Variants in HEMK2 observed in about 807,000 individuals in gnomAD.
HEMK2 encodes HemK methyltransferase 2, ETF1 glutamine and histone H4 lysine.
the HEMK2 span, among the ~76,000 whole-genome samples, chr21:28,635,363 A>G: frequency 1.3e-5 from 2 of 152,198 alleles, no homozygotes; most frequent in South Asian, 2.1e-4. Flanking sequence ...CGGACTCCCA[A>G]AGTGCTGGGA....
the HEMK2 span, among the ~76,000 whole-genome samples, chr21:28,879,536 G>A: frequency 2.0e-5 from 3 of 152,106 alleles, no homozygotes; most frequent in East Asian, 1.9e-4. Context: ...CATTGCACTC[G>A]GCCAGTTAAA....
At chr21:28,827,042 G>C in the HEMK2 span, among the ~76,000 whole-genome samples, 1 of 152,102 alleles carries the variant, frequency 6.6e-6, no homozygotes, top group Non-Finnish European at 1.5e-5. Context: ...GGGAGAAAAT[G>C]CCAGAAGAAA....
At chr21:28,761,524 G>T in the HEMK2 span, among the ~76,000 whole-genome samples, 1 of 151,438 alleles carries the variant, frequency 6.6e-6, no homozygotes, top group African/African-American at 2.4e-5. Flanking sequence ...TATTCCCTTG[G>T]TTACCTGTGT....
chr21:28,783,433 C>A, the HEMK2 span, among the ~76,000 whole-genome samples: 1 of 152,228 alleles, frequency 6.6e-6, no homozygotes, highest in African/African-American at 2.4e-5. Context: ...GATCTGCCCA[C>A]CTCGGCCTCC....
At chr21:28,853,613 G>A in the HEMK2 span, among the ~76,000 whole-genome samples, 1 of 152,168 alleles carries the variant, frequency 6.6e-6, no homozygotes, top group East Asian at 1.9e-4. Flanking sequence ...GTTGGGGGTG[G>A]CTCCTAAGGA....
chr21:28,743,704 T>C, the HEMK2 span, among the ~76,000 whole-genome samples: 1 of 152,138 alleles, frequency 6.6e-6, no homozygotes, highest in East Asian at 1.9e-4. Flanking sequence ...CTCTGCCTAT[T>C]AGGAGGAGGA....
At chr21:28,768,227 G>C in the HEMK2 span, among the ~76,000 whole-genome samples, 1 of 152,092 alleles carries the variant, frequency 6.6e-6, no homozygotes, top group Non-Finnish European at 1.5e-5. Flanking sequence ...GAGACCACTG[G>C]AGGTTGGTGG....
chr21:28,648,720 A>G, the HEMK2 span, among the ~76,000 whole-genome samples: 15 of 152,210 alleles, frequency 9.9e-5, no homozygotes, highest in Non-Finnish European at 1.6e-4. Context: ...AGCAAGAAGC[A>G]AAACTCAGGT....
chr21:28,767,242 G>GT, the HEMK2 span, among the ~76,000 whole-genome samples: 1 of 151,802 alleles, frequency 6.6e-6, no homozygotes, highest in Non-Finnish European at 1.5e-5. Context: ...GGAACTGTAC[G>GT]TAAGTCCAAT....
the HEMK2 span, among the ~76,000 whole-genome samples, chr21:28,765,716 G>A: frequency 6.6e-6 from 1 of 151,976 alleles, no homozygotes; most frequent in Non-Finnish European, 1.5e-5. Flanking sequence ...AAGTCTTACT[G>A]TGCCCCTGTA....
At chr21:28,784,952 G>A in the HEMK2 span, among the ~76,000 whole-genome samples, 2,129 of 152,258 alleles carry the variant, frequency 0.014, 26 homozygotes, top group Middle Eastern at 0.024. Flanking sequence ...AACACTCACC[G>A]CGAAGATCTG....
At chr21:28,866,843 C>G in the HEMK2 span, among the ~76,000 whole-genome samples, 8 of 152,090 alleles carry the variant, frequency 5.3e-5, no homozygotes, top group Non-Finnish European at 1.2e-4. Flanking sequence ...TACAGATCAA[C>G]AAGTAAAAAG....
At chr21:28,772,212 C>A in the HEMK2 span, among the ~76,000 whole-genome samples, 1 of 152,072 alleles carries the variant, frequency 6.6e-6, no homozygotes, top group Non-Finnish European at 1.5e-5. Context: ...TTCAACCATG[C>A]CTATGTTGGG....
the HEMK2 span, among the ~76,000 whole-genome samples, chr21:28,770,020 C>T: frequency 6.6e-6 from 1 of 152,128 alleles, no homozygotes; most frequent in African/African-American, 2.4e-5. Context: ...GGCAGTACTT[C>T]TAAGGCAATA....
the HEMK2 span, among the ~76,000 whole-genome samples, chr21:28,771,380 T>C: frequency 2.6e-5 from 4 of 152,140 alleles, no homozygotes; most frequent in African/African-American, 9.7e-5. Flanking sequence ...TTTGCATCAC[T>C]CTCCCACCAC....
the HEMK2 span, chr21:28,878,322 G>C: frequency 6.2e-7 from 1 of 1,613,170 alleles, no homozygotes; most frequent in Admixed American, 1.7e-5. Flanking sequence ...CCTCTATTCC[G>C]TGACTTCCTA....
At chr21:28,757,427 G>C in the HEMK2 span, among the ~76,000 whole-genome samples, 1 of 152,098 alleles carries the variant, frequency 6.6e-6, no homozygotes, top group Non-Finnish European at 1.5e-5. Context: ...TCCTCTGTCT[G>C]CTGAACAGAA....
At chr21:28,691,096 C>T in the HEMK2 span, among the ~76,000 whole-genome samples, 1 of 152,306 alleles carries the variant, frequency 6.6e-6, no homozygotes, top group African/African-American at 2.4e-5. Context: ...CTGGTCATGA[C>T]ATTAGCAGCT....
At chr21:28,673,014 G>C in the HEMK2 span, among the ~76,000 whole-genome samples, 1 of 144,744 alleles carries the variant, frequency 6.9e-6, no homozygotes, top group African/African-American at 2.8e-5. Context: ...AAGAAAGAAA[G>C]AAAGAAAGAA....
Sources: allele counts gnomAD v4.1 joint callset (sites outside exome capture counted in the v4.1 genomes callset), GRCh38; gene constraint gnomAD v4.1.1; transcripts MANE v1.5; gene names NCBI Gene and HGNC (gene_info 2026-07-23, HGNC 2026-07-21).